Variants in RAB30 observed in about 807,000 individuals in gnomAD.
The protein encoded by RAB30 is RAB30, member RAS oncogene family.
In RAB30, 9 loss-of-function variants were observed where a neutral mutation model predicts 25.1. The observed-to-expected ratio is 0.36, with a 90% CI of 0.22 to 0.63. RAB30 has a LOEUF of 0.63. RAB30 is among the 20% of genes least tolerant of loss of function. The pLI, the probability that RAB30 is intolerant of heterozygous loss-of-function variation, is 0.69. For missense variants in RAB30, 140 were observed against 243.5 expected (o/e 0.58, Z 2.83); for synonymous variants, 77 against 86.4 (o/e 0.89, Z 0.60).
chr11:82,984,646 C>A (rs887030892), intron 4 of RAB30, among the ~76,000 whole-genome samples: 1 of 152,172 alleles, frequency 6.6e-6, no homozygotes, highest in African/African-American at 2.4e-5. Flanking sequence ...CACACACATG[C>A]ACACATACAC....
chr11:83,019,861 G>A (rs960186348), intron 1 of RAB30, among the ~76,000 whole-genome samples: 2 of 152,154 alleles, frequency 1.3e-5, no homozygotes, highest in African/African-American at 4.8e-5. Flanking sequence ...TCTCTTACAG[G>A]CCGAATGACT....
chr11:83,060,725 A>C (rs909289767), intron 1 of RAB30, among the ~76,000 whole-genome samples: 1 of 152,196 alleles, frequency 6.6e-6, no homozygotes, highest in African/African-American at 2.4e-5. Context: ...TTTAGGTGTC[A>C]ACTTGATTAG....
intron 1 of RAB30, among the ~76,000 whole-genome samples, chr11:83,017,099 G>A (rs1384103417): frequency 1.3e-5 from 2 of 152,152 alleles, no homozygotes; most frequent in Admixed American, 6.5e-5. Flanking sequence ...AGCACTCTGG[G>A]AGGCTGAGTT....
intron 1 of RAB30, among the ~76,000 whole-genome samples, chr11:83,066,571 G>C (rs1377958961): frequency 1.3e-5 from 2 of 151,958 alleles, no homozygotes; most frequent in African/African-American, 4.8e-5. Flanking sequence ...TTTGTTTTGA[G>C]ACAGAGTCTC....
intron 1 of RAB30, among the ~76,000 whole-genome samples, chr11:83,012,982 A>G (rs1590852130): frequency 2.6e-5 from 4 of 152,052 alleles, no homozygotes; most frequent in South Asian, 2.1e-4. Flanking sequence ...CTCTCAAACC[A>G]TACCCCCACC....
At chr11:83,030,716 G>A (rs1465233483) in intron 1 of RAB30, among the ~76,000 whole-genome samples, 7 of 151,608 alleles carry the variant, frequency 4.6e-5, no homozygotes, top group Non-Finnish European at 1.0e-4. Flanking sequence ...AGAATTGCTT[G>A]AACCCGGGAG....
At chr11:83,039,137 TAACA>T (rs1858049854) in intron 1 of RAB30, 1 of 152,220 alleles carries the variant, frequency 6.6e-6, no homozygotes, top group Non-Finnish European at 1.5e-5. Context: ...ACTGTTGAAT[TAACA>T]AACAATTCAT....
intron 1 of RAB30, among the ~76,000 whole-genome samples, chr11:83,026,916 A>G (rs1301423412): frequency 6.6e-6 from 1 of 152,196 alleles, no homozygotes; most frequent in East Asian, 1.9e-4. Flanking sequence ...GCATACTCAG[A>G]AAATGTGGAA....
intron 1 of RAB30, among the ~76,000 whole-genome samples, chr11:83,037,979 G>A (rs546167702): frequency 6.6e-6 from 1 of 152,308 alleles, no homozygotes; most frequent in East Asian, 1.9e-4. Context: ...CTGTCTCGTG[G>A]TCAGAGTGAA....
intron 1 of RAB30, among the ~76,000 whole-genome samples, chr11:83,051,546 C>T (rs750903655): frequency 1.7e-4 from 26 of 152,126 alleles, no homozygotes; most frequent in African/African-American, 3.4e-4. Context: ...AAGTAAGCAA[C>T]GATCCCTAAG....
At chr11:83,013,959 A>G (rs1857358811) in intron 1 of RAB30, among the ~76,000 whole-genome samples, 3 of 152,246 alleles carry the variant, frequency 2.0e-5, no homozygotes, top group African/African-American at 7.2e-5. Context: ...TCCATTTTAC[A>G]GGTGAGAAAA....
At chr11:83,041,675 T>G (rs1858119678) in intron 1 of RAB30, 1 of 153,962 alleles carries the variant, frequency 6.5e-6, no homozygotes, top group African/African-American at 2.4e-5. Flanking sequence ...GTGTTCAGTT[T>G]GTGAACTTTA....
At chr11:83,058,238 G>T (rs2121519968) in intron 1 of RAB30, among the ~76,000 whole-genome samples, 1 of 152,054 alleles carries the variant, frequency 6.6e-6, no homozygotes, top group South Asian at 2.1e-4. Flanking sequence ...TGTTTCCACG[G>T]TATAATTATC....
chr11:83,055,694 G>A (rs997785139), intron 1 of RAB30, among the ~76,000 whole-genome samples: 5 of 152,248 alleles, frequency 3.3e-5, no homozygotes, highest in African/African-American at 1.2e-4. Context: ...AACTTTAGGA[G>A]GTAATTAGGC....
rs148165787 is a variant in RAB30, at chr11:82,978,739, T to G, written c.*3426A>C. ...CACCAGTGTCCTCCCAAGGCATATA[T>G]TCATGAATGAAAGAAGATAAGAACC... is the stretch of plus-strand genomic sequence containing the variant. On this transcript the variant is annotated 3_prime_UTR_variant, in exon 5 of 5. Transcript: ENST00000527633. 1 of 152,162 alleles carries G rather than the reference T, an allele frequency of 6.6e-6. No homozygotes were observed. The highest frequency in any genetic ancestry group is 2.1e-4 in the South Asian group (1 of 4,826). The allele number at this position is 152,162 out of a possible 1,614,324, so 9.4% of individuals were successfully genotyped here. A position where few individuals can be genotyped will look rare whatever the true frequency, so the allele number is the denominator to read the frequency against.
At chr11:83,059,049 C>G (rs1010116011) in intron 1 of RAB30, among the ~76,000 whole-genome samples, 1 of 152,190 alleles carries the variant, frequency 6.6e-6, no homozygotes, top group African/African-American at 2.4e-5. Context: ...CTCAAGTGAT[C>G]CTCCTGCCTC....
At chr11:83,017,857 T>A (rs887251178) in intron 1 of RAB30, among the ~76,000 whole-genome samples, 2 of 152,252 alleles carry the variant, frequency 1.3e-5, no homozygotes, top group African/African-American at 2.4e-5. Flanking sequence ...CAAGTGTCTT[T>A]TTCATATAAT....
intron 4 of RAB30, among the ~76,000 whole-genome samples, chr11:82,986,338 A>G (rs1294282310): frequency 1.3e-5 from 2 of 152,142 alleles, no homozygotes; most frequent in East Asian, 1.9e-4. Context: ...ACTCTTGTTT[A>G]TGTCTGAAAT....
intron 1 of RAB30, among the ~76,000 whole-genome samples, chr11:83,023,533 G>A (rs1263412818): frequency 2.6e-5 from 4 of 152,124 alleles, no homozygotes; most frequent in Non-Finnish European, 5.9e-5. Context: ...CCGTGGGTCA[G>A]ACTTCATCCT....
Sources: gnomAD v4.1 joint callset for allele counts (sites outside exome capture counted in the v4.1 genomes callset) on GRCh38, gnomAD v4.1.1 for gene constraint, MANE v1.5 for transcripts, NCBI Gene and HGNC (gene_info 2026-07-23, HGNC 2026-07-21) for gene names.